TOM1L2: variants seen among roughly 807,000 people sequenced by gnomAD.
TOM1L2 encodes target of myb1 like 2 membrane trafficking protein.
TOM1L2 carries 31 observed loss-of-function variants against 67.9 expected under a neutral mutation model. The ratio of observed to expected loss-of-function variants is 0.46; its 90% CI spans 0.34 to 0.62. The LOEUF is 0.62. TOM1L2 is among the 20% of genes least tolerant of loss of function. The probability of loss-of-function intolerance (pLI) is 0.01; values close to 1 mark genes in which losing one functional copy is unlikely to be tolerated. For missense variants in TOM1L2, 606 were observed against 663.5 expected, an observed-to-expected ratio of 0.91 and a Z score of 0.95; for synonymous variants, 256 against 254.0, an observed-to-expected ratio of 1.01 and a Z score of -0.07.
chr17:17,863,432 C>T (rs1252491933), intron 10 of TOM1L2: 1 of 153,356 alleles, frequency 6.5e-6, no homozygotes, highest in Non-Finnish European at 1.5e-5. Context: ...AGGGGAAAGG[C>T]AGATAAAAAG....
intron 2 of TOM1L2, 130 bp downstream of exon 2, chr17:17,907,317 T>A: frequency 1.3e-6 from 1 of 741,368 alleles, no homozygotes; most frequent in East Asian, 2.8e-5. Context: ...GAGTGTCAGC[T>A]TATTCGATGC....
chr17:17,843,598 G>T lies in TOM1L2; in HGVS notation c.*4037C>A, dbSNP rs979415066. On this transcript the variant is annotated 3_prime_UTR_variant, in exon 15 of 15. Coordinates refer to ENST00000379504, the MANE Select transcript of TOM1L2 (RefSeq NM_001082968.2). ...TATCTGGAAGGAGGGCCAGTGGGGT[G>T]GATGGATGCTCTGAGCCTCGGGTGC... 6.6e-6 allele frequency: 1 copy of T among 152,308 alleles called. No individual in the cohort carries two copies. Among genetic ancestry groups the T allele is most frequent in the Non-Finnish European group, 1.5e-5 (1 of 68,052 alleles). 9.4% of individuals were successfully genotyped at this position (152,308 alleles called of 1,614,324 possible).
At chr17:17,877,150 T>C (rs1432872388) in intron 7 of TOM1L2, among the ~76,000 whole-genome samples, 2 of 152,240 alleles carry the variant, frequency 1.3e-5, no homozygotes, top group Admixed American at 6.5e-5. Context: ...ACTGCCAAGC[T>C]TCCCTGCTGC....
At chr17:17,882,476 A>T (rs1484598692) in intron 6 of TOM1L2, among the ~76,000 whole-genome samples, 1 of 152,132 alleles carries the variant, frequency 6.6e-6, no homozygotes, top group Non-Finnish European at 1.5e-5. Context: ...GGCACCACTC[A>T]ACCCTGGGCT....
chr17:17,884,713 T>C lies in TOM1L2; in HGVS notation c.422A>G (p.Tyr141Cys). 6.2e-7 allele frequency: 1 copy of C among 1,613,954 alleles called. No individual in the cohort carries two copies. Among genetic ancestry groups the C allele is most frequent in the Non-Finnish European group, 8.5e-7 (1 of 1,180,016 alleles). Residue 141 changes from tyrosine (Y) to cysteine (C), a missense_variant, in exon 5 of 15, where the codon TAT (tyrosine) becomes TGT (cysteine). By Grantham distance (194) the Tyr-to-Cys change is radical. Coordinates refer to ENST00000379504, the MANE Select transcript of TOM1L2 (RefSeq NM_001082968.2). ...AACCCCTTTCCTCTTCAGCTCCTCA[T>C]ATATGTGCACAACGCCGGTGAGATC... ...SPDLTGVVHI[Y>C]EELKRKGVEF... is the part of the protein sequence containing the mutation.
At chr17:17,904,695 C>T (rs577917773) in intron 2 of TOM1L2, among the ~76,000 whole-genome samples, 75 of 152,278 alleles carry the variant, frequency 4.9e-4, no homozygotes, top group African/African-American at 1.8e-3. Context: ...AATGCAGCAC[C>T]TGACCTTGAC....
chr17:17,882,940 G>A, intron 5 of TOM1L2, 77 bp from the exon 6 acceptor site: 3 of 1,561,678 alleles, frequency 1.9e-6, no homozygotes, highest in Non-Finnish European at 2.6e-6. Context: ...CCCACCCCAT[G>A]CAGCACTTCC....
At chr17:17,940,172 G>C (rs144970186) in intron 1 of TOM1L2, among the ~76,000 whole-genome samples, 39 of 123,320 alleles carry the variant, frequency 3.2e-4, no homozygotes, top group Non-Finnish European at 1.1e-4. Context: ...CAGGCTGGGC[G>C]ACAGAGCAAG....
chr17:17,939,366 T>G (rs925460092), intron 1 of TOM1L2, among the ~76,000 whole-genome samples: 4 of 152,264 alleles, frequency 2.6e-5, no homozygotes, highest in Non-Finnish European at 5.9e-5. Flanking sequence ...TAGCAGATTC[T>G]ATTCAGTCTT....
At chr17:17,898,305 C>A (rs1598291889) in intron 3 of TOM1L2, among the ~76,000 whole-genome samples, 1 of 152,266 alleles carries the variant, frequency 6.6e-6, no homozygotes, top group Non-Finnish European at 1.5e-5. Flanking sequence ...GAAAAGGGAC[C>A]CACCCAAAAC....
At chr17:17,849,048 G>A (rs938569053) in intron 13 of TOM1L2, 189 bp from the exon 14 acceptor site, 4 of 543,158 alleles carry the variant, frequency 7.4e-6, no homozygotes, top group Non-Finnish European at 1.3e-5. Flanking sequence ...AGAAACAGAA[G>A]CTTTGTTTTT....
intron 8 of TOM1L2, among the ~76,000 whole-genome samples, chr17:17,868,150 G>A (rs1294759443): frequency 6.6e-6 from 1 of 152,178 alleles, no homozygotes; most frequent in African/African-American, 2.4e-5. Context: ...GAATCACATG[G>A]CAAGACAAAG....
chr17:17,910,271 C>T (rs895938460), intron 1 of TOM1L2, among the ~76,000 whole-genome samples: 5 of 152,192 alleles, frequency 3.3e-5, no homozygotes, highest in African/African-American at 7.2e-5. Flanking sequence ...GCCAGGACTA[C>T]AGCCAGGGTC....
At chr17:17,854,099 T>C (rs2036138865) in intron 12 of TOM1L2, among the ~76,000 whole-genome samples, 1 of 152,242 alleles carries the variant, frequency 6.6e-6, no homozygotes, top group African/African-American at 2.4e-5. Context: ...TAAGCTTAAA[T>C]TGACTTTCTT....
Position 17,847,699 on chromosome 17 carries a change from G to A in TOM1L2, c.1460C>T (p.Pro487Leu). Reference sequence around the variant, plus strand: ...CTTCCGGCCAGAAGGGTTTGAGGCTGGGGCAGGAGCCTCCATGGGGGGCGA... The same window carrying A: ...CTTCCGGCCAGAAGGGTTTGAGGCTAGGGCAGGAGCCTCCATGGGGGGCGA... ...LPSPPMEAPA[P>L]ASNPSGRKKP... The change falls in exon 15 of 15, where the codon CCA becomes CTA. Residue 487 changes from proline (P) to leucine (L), a missense_variant. Physicochemically the swap from Pro to Leu is moderately conservative, Grantham distance 98. This residue lies in a region of TOM1L2 where 543 missense variants were observed against 554.0 expected (regional missense o/e 0.98). Transcript: ENST00000379504. 1.2e-6 allele frequency: 2 copies of A among 1,614,036 alleles called. No homozygotes were observed. Among genetic ancestry groups the A allele is most frequent in the Non-Finnish European group, 1.7e-6 (2 of 1,180,000 alleles).
intron 1 of TOM1L2, among the ~76,000 whole-genome samples, chr17:17,972,057 G>A (rs1370844154): frequency 6.6e-6 from 1 of 151,304 alleles, no homozygotes; most frequent in Non-Finnish European, 1.5e-5. Context: ...CGACCAGGAT[G>A]CCCAGCCCGC....
chr17:17,855,429 T>TGCACCCTGCAAAAGGGAG (rs2036207009), intron 12 of TOM1L2, among the ~76,000 whole-genome samples: 1 of 152,200 alleles, frequency 6.6e-6, no homozygotes, highest in Non-Finnish European at 1.5e-5. Flanking sequence ...TTTTCCTGGC[T>TGCACCCTGCAAAAGGGAG]GCACCCTGCA....
intron 1 of TOM1L2, among the ~76,000 whole-genome samples, chr17:17,937,858 A>G (rs1048806875): frequency 1.3e-5 from 2 of 152,220 alleles, no homozygotes; most frequent in Non-Finnish European, 2.9e-5. Context: ...GCTCCAAATC[A>G]TAGCTCTTAA....
intron 1 of TOM1L2, among the ~76,000 whole-genome samples, chr17:17,925,299 GA>G (rs976481118): frequency 2.8e-4 from 43 of 151,310 alleles, no homozygotes; most frequent in African/African-American, 8.7e-4. Flanking sequence ...AATGATGTAA[GA>G]AAAAAAAGAC....
Sources: gnomAD v4.1 joint callset for allele counts (sites outside exome capture counted in the v4.1 genomes callset) on GRCh38, gnomAD v4.1.1 for gene constraint, gnomAD v4.1.1 regional missense constraint, MANE v1.5 for transcripts, NCBI Gene and HGNC (gene_info 2026-07-23, HGNC 2026-07-21) for gene names.